Variants in PGLYRP3 observed in about 807,000 individuals in gnomAD.
The protein encoded by PGLYRP3 is peptidoglycan recognition protein 3, also known as peptidoglycan recognition protein I alpha.
A neutral mutation model predicts 36.0 loss-of-function variants in PGLYRP3; 39 were observed. The ratio of observed to expected loss-of-function variants is 1.08; its 90% confidence interval spans 0.84 to 1.41. PGLYRP3 has a LOEUF of 1.41. PGLYRP3 is among the 40% of genes most tolerant of loss of function. The pLI, the probability that PGLYRP3 is intolerant of heterozygous loss-of-function variation, is 0.00. For synonymous variants in PGLYRP3, 204 were observed against 172.8 expected (o/e 1.18, Z -1.42); for missense variants, 407 against 427.9 (o/e 0.95, Z 0.43).
intron 4 of PGLYRP3, 45 bp downstream of exon 4, chr1:153,304,902 T>C (rs762122166): frequency 7.0e-7 from 1 of 1,430,036 alleles, no homozygotes; most frequent in South Asian, 1.2e-5. Flanking sequence ...AGGAAGAGAG[T>C]GTACACAACT....
At chr1:153,312,604 C>T (rs1479363261) in intron 1 of PGLYRP3, among the ~76,000 whole-genome samples, 39 bp downstream of exon 1, 1 of 150,142 alleles carries the variant, frequency 6.7e-6, no homozygotes, top group African/African-American at 2.4e-5. Flanking sequence ...TAAAGAAATA[C>T]ACACACACAC....
At chr1:153,302,361 T>C (rs1659617385) in intron 6 of PGLYRP3, 48 bp downstream of exon 6, 1 of 1,594,898 alleles carries the variant, frequency 6.3e-7, no homozygotes. Context: ...CCTTCCTTCC[T>C]ACAATCCTGA....
chr1:153,310,793 C>T, intron 1 of PGLYRP3, 87 bp from the exon 2 acceptor site: 1 of 849,766 alleles, frequency 1.2e-6, no homozygotes, highest in Non-Finnish European at 1.9e-6. Context: ...GTCTGCCTCC[C>T]CTACCATCCT....
intron 2 of PGLYRP3, among the ~76,000 whole-genome samples, chr1:153,310,008 G>T (rs548758657): frequency 6.6e-6 from 1 of 152,192 alleles, no homozygotes; most frequent in Admixed American, 6.5e-5. Context: ...TTCCGAAGGG[G>T]GTCTGTGTAT....
At chr1:153,300,786 T>G (rs1659572178) in intron 6 of PGLYRP3, among the ~76,000 whole-genome samples, 1 of 101,400 alleles carries the variant, frequency 9.9e-6, no homozygotes, top group Admixed American at 1.1e-4. Context: ...AACTTTTGCC[T>G]TTTGCCTTTA....
chr1:153,300,519 A>C (rs1419802680), intron 6 of PGLYRP3, among the ~76,000 whole-genome samples: 1 of 152,226 alleles, frequency 6.6e-6, no homozygotes, highest in Non-Finnish European at 1.5e-5. Context: ...TAAAGCCAGG[A>C]GGTTGAAAAG....
chr1:153,303,721 G>C (rs923371212), intron 5 of PGLYRP3, 136 bp downstream of exon 5: 2 of 1,051,598 alleles, frequency 1.9e-6, no homozygotes, highest in Non-Finnish European at 2.7e-6. Context: ...GAATTTTCCA[G>C]ATCTCAAAGT....
At chr1:153,309,269 G>A (rs976613253) in intron 2 of PGLYRP3, among the ~76,000 whole-genome samples, 1 of 152,114 alleles carries the variant, frequency 6.6e-6, no homozygotes, top group African/African-American at 2.4e-5. Flanking sequence ...TCAGAATTGT[G>A]GCTTAAAACA....
chr1:153,297,553 A>AGG lies in PGLYRP3; in HGVS notation c.*402_*403insCC, dbSNP rs879350829. Among the ~76,000 whole-genome samples, 5,797 of 74,544 alleles carry AGG rather than the reference A, an allele frequency of 0.078. 235 individuals are homozygous for AGG. The highest frequency in any genetic ancestry group is 0.1 in the Non-Finnish European group (3,138 of 31,392). The allele number at this position is 74,544 out of a possible 152,430, so 48.9% of individuals were successfully genotyped here. ...AAGGAAGGAAGGAAGGAAGGAAGGA[A>AGG]AGAAAGAAAAAGAAAGAAAGAAAGA... is the stretch of plus-strand genomic sequence containing the variant. On this transcript the variant is annotated 3_prime_UTR_variant, in exon 8 of 8. Coordinates refer to ENST00000683862, the MANE Select transcript of PGLYRP3 (RefSeq NM_052891.3).
chr1:153,302,524 T>G lies in PGLYRP3; in HGVS notation c.613A>C (p.Ile205Leu). The G allele has an allele frequency of 6.2e-7, 1 of 1,614,194 alleles. No homozygotes were observed. Among genetic ancestry groups the G allele is most frequent in the Non-Finnish European group, 8.5e-7 (1 of 1,180,024 alleles). ...CTTGTGCCAGCGGTGTGGATGATGA[T>G]GACATATTTGGCTGGGAGGTTCATT... ...PKMNLPAKYV[I>L]IIHTAGTSCT... The change falls in exon 6 of 8, where the codon ATC becomes CTC. Residue 205 changes from isoleucine to leucine, a missense_variant. Transcript: ENST00000683862.
chr1:153,303,769 T>C, intron 5 of PGLYRP3, 88 bp downstream of exon 5: 1 of 1,436,768 alleles, frequency 7.0e-7, no homozygotes, highest in Non-Finnish European at 9.4e-7. Flanking sequence ...TCCCATGGGG[T>C]CTAACAGGAA....
chr1:153,299,303 A>G (rs1659529415), intron 6 of PGLYRP3, 72 bp from the exon 7 acceptor site: 14 of 1,064,144 alleles, frequency 1.3e-5, no homozygotes, highest in Non-Finnish European at 2.0e-5. Context: ...TCACTCCTTC[A>G]ACCACTCATT....
Position 153,297,546 on chromosome 1 carries a change from G to GAAAGAAAAAGAAAGAAA in PGLYRP3, c.*409_*410insTTTCTTTCTTTTTCTTT, listed in dbSNP as rs1557805301. On this transcript the variant is annotated 3_prime_UTR_variant, in exon 8 of 8. Transcript: ENST00000683862. Reference sequence around the variant, plus strand: ...AGGAAGGAAGGAAGGAAGGAAGGAAGGAAGGAAAGAAAGAAAAAGAAAGAA... The same window carrying GAAAGAAAAAGAAAGAAA: ...AGGAAGGAAGGAAGGAAGGAAGGAAGAAAGAAAAAGAAAGAAAGAAGGAAAGAAAGAAAAAGAAAGAA... Among the ~76,000 whole-genome samples the GAAAGAAAAAGAAAGAAA allele has an allele frequency of 1.1e-5, 1 of 92,222 alleles. No homozygotes were observed. Among genetic ancestry groups the GAAAGAAAAAGAAAGAAA allele is most frequent in the African/African-American group, 4.9e-5 (1 of 20,256 alleles). 60.5% of individuals were successfully genotyped at this position (92,222 alleles called of 152,430 possible). A position where few individuals can be genotyped will look rare whatever the true frequency, so the allele number is the denominator to read the frequency against.
At chr1:153,302,699 C>T (rs1436013695) in intron 5 of PGLYRP3, 92 bp from the exon 6 acceptor site, 5 of 1,219,126 alleles carry the variant, frequency 4.1e-6, no homozygotes, top group Non-Finnish European at 6.0e-6. Flanking sequence ...TCCTCAGCCT[C>T]TCCCAGGCCT....
rs1338026983 is a variant in PGLYRP3, at chr1:153,312,671, C to G, written c.-70G>C. On this transcript the variant is annotated 5_prime_UTR_variant, in exon 1 of 8. Coordinates refer to ENST00000683862, the MANE Select transcript of PGLYRP3 (RefSeq NM_052891.3). ...TGGGTTCTGTGCTGTTCCAGCCCAG[C>G]AGGTCAGGGTGCAGTCGGCTCGCCC... Among the ~76,000 whole-genome samples, 2 of 152,068 alleles carry G rather than the reference C, an allele frequency of 1.3e-5. No individual in the cohort carries two copies. Among genetic ancestry groups the G allele is most frequent in the African/African-American group, 4.8e-5 (2 of 41,414 alleles).
In PGLYRP3 at chr1:153,305,157, A is replaced by G. The variant is rs143130130; in HGVS notation, c.258-92T>C. Reference sequence around the variant, plus strand: ...AAAGGAAAAGGGGTTCTGGAGGCTCATAAGTAAGTACTATGTTCCAATAAC... The same window carrying G: ...AAAGGAAAAGGGGTTCTGGAGGCTCGTAAGTAAGTACTATGTTCCAATAAC... On this transcript the variant is annotated intron_variant, in intron 3 of 7. Transcript: ENST00000683862. The G allele has an allele frequency of 1.9e-3, 1,886 of 976,328 alleles. 38 individuals carry two copies. In the East Asian group the frequency reaches 0.038, roughly 19 times the overall value. 60.5% of individuals were successfully genotyped at this position (976,328 alleles called of 1,614,324 possible).
chr1:153,305,121 A>C, intron 3 of PGLYRP3, 56 bp from the exon 4 acceptor site: 18 of 1,436,438 alleles, frequency 1.3e-5, no homozygotes, highest in Non-Finnish European at 1.6e-5. Flanking sequence ...AAAACCTCTC[A>C]CTGATCCTCA....
chr1:153,304,565 A>G (rs1336817517), intron 4 of PGLYRP3, among the ~76,000 whole-genome samples: 1 of 149,662 alleles, frequency 6.7e-6, no homozygotes, highest in African/African-American at 2.5e-5. Context: ...TTATACCTCC[A>G]GATTTCCTTG....
intron 3 of PGLYRP3, among the ~76,000 whole-genome samples, 178 bp downstream of exon 3, chr1:153,306,888 T>C (rs2101522144): frequency 6.6e-6 from 1 of 152,244 alleles, no homozygotes; most frequent in East Asian, 1.9e-4. Context: ...TGGCTTAGAG[T>C]CATCCCTCTT....
Sources: allele counts gnomAD v4.1 joint callset (sites outside exome capture counted in the v4.1 genomes callset), GRCh38; gene constraint gnomAD v4.1.1; transcripts MANE v1.5; gene names NCBI Gene and HGNC (gene_info 2026-07-23, HGNC 2026-07-21).